Variants in TRAF2 observed in about 807,000 individuals in gnomAD.
TRAF2 encodes the protein TNF receptor-associated factor 2.
In TRAF2, 6 loss-of-function variants were observed where a neutral mutation model predicts 55.6. The observed-to-expected ratio is 0.11, with a 90% CI of 0.06 to 0.21. TRAF2 has a LOEUF of 0.21. Ranked by LOEUF, TRAF2 falls within the 10% of genes least tolerant of loss-of-function variation. The probability of loss-of-function intolerance (pLI) is 1.00; values close to 1 mark genes in which losing one functional copy is unlikely to be tolerated. For missense variants in TRAF2, 561 were observed against 684.5 expected (o/e 0.82, Z 2.01); for synonymous variants, 329 against 276.3 (o/e 1.19, Z -1.89).
intron 5 of TRAF2, among the ~76,000 whole-genome samples, chr9:136,909,037 CAAAAAAAAAAAAA>C (rs10597975): frequency 1.4e-5 from 2 of 147,206 alleles, no homozygotes; most frequent in Admixed American, 1.4e-4. Flanking sequence ...GACTCTGTCT[CAAAAAAAAAAAAA>C]AGAAAAAAAA....
intron 5 of TRAF2, among the ~76,000 whole-genome samples, chr9:136,909,630 C>G (rs1159020390): frequency 6.6e-6 from 1 of 152,240 alleles, no homozygotes; most frequent in Admixed American, 6.5e-5. Flanking sequence ...CAGCGTTTCC[C>G]CATCTTCACC....
intron 9 of TRAF2, among the ~76,000 whole-genome samples, chr9:136,921,775 AG>A (rs1429671652): frequency 6.7e-6 from 1 of 148,258 alleles, no homozygotes; most frequent in African/African-American, 2.5e-5. Context: ...ACTGCTGGAG[AG>A]GGGGTGGGGT....
intron 1 of TRAF2, among the ~76,000 whole-genome samples, chr9:136,889,113 G>A (rs1306921704): frequency 3.3e-5 from 5 of 152,196 alleles, no homozygotes; most frequent in South Asian, 4.1e-4. Flanking sequence ...CGCCCACCTC[G>A]GCCTCCCAGA....
upstream of TRAF2, chr9:136,886,448 C>CGTCA (rs1849448232): frequency 7.0e-6 from 7 of 1,004,906 alleles, no homozygotes; most frequent in Non-Finnish European, 8.3e-6. Context: ...CATGTCCGTC[C>CGTCA]GTCAGGCGCA....
chr9:136,885,136 T>G (rs529797169), upstream of TRAF2, among the ~76,000 whole-genome samples: 1 of 152,176 alleles, frequency 6.6e-6, no homozygotes, highest in African/African-American at 2.4e-5. Flanking sequence ...GAATTCCAAC[T>G]GCAAACCAAG....
At chr9:136,901,598 G>A (rs552439220) in intron 4 of TRAF2, among the ~76,000 whole-genome samples, 3 of 152,180 alleles carry the variant, frequency 2.0e-5, no homozygotes, top group Admixed American at 2.0e-4. Context: ...GAGGAGACAG[G>A]GGTCATTGTT....
In TRAF2 at chr9:136,900,599, C is replaced by T. The variant is rs766318971; in HGVS notation, c.366+79C>T. 2.7e-5 allele frequency: 32 copies of T among 1,169,234 alleles called. No homozygotes were observed. The South Asian group carries it at 3.8e-4, about 14-fold the overall frequency. The allele number at this position is 1,169,234 out of a possible 1,614,324, so 72.4% of individuals were successfully genotyped here. On this transcript the variant is annotated intron_variant, in intron 4 of 10. Transcript: ENST00000247668. ...TCCACGCTCCCCAAGCAGTTATGAC[C>T]TTGTCCTGCACGTTCCTCTCACTGG...
Position 136,916,610 on chromosome 9 carries a change from G to C in TRAF2, c.673G>C (p.Glu225Gln). The C allele has an allele frequency of 6.2e-7, 1 of 1,613,842 alleles. No homozygotes were observed. Among genetic ancestry groups the C allele is most frequent in the Non-Finnish European group, 8.5e-7 (1 of 1,179,960 alleles). ...CAGATTCCACGCCATCGGCTGCCTC[G>C]AGACGGTGAGTCGGGGGGTCTGAGG... ...PCRFHAIGCL[E>Q]TVEGEKQQEH... is the part of the protein sequence containing the mutation. Residue 225 changes from glutamate to glutamine, a missense_variant, in exon 7 of 11, where the codon GAG becomes CAG. Transcript: ENST00000247668.
chr9:136,925,642 C>T (rs369829196), intron 10 of TRAF2, 41 bp from the exon 11 acceptor site: 251 of 1,597,668 alleles, frequency 1.6e-4, no homozygotes, highest in Middle Eastern at 1.2e-3. Flanking sequence ...AGAGAGACGG[C>T]CCACAGACCT....
At chr9:136,896,618 T>C (rs2131285569) in intron 1 of TRAF2, among the ~76,000 whole-genome samples, 1 of 151,788 alleles carries the variant, frequency 6.6e-6, no homozygotes, top group South Asian at 2.1e-4. Flanking sequence ...GCTTATAAGG[T>C]TGGGGGGAAC....
chr9:136,914,562 AAG>A (rs1850195903), intron 6 of TRAF2, among the ~76,000 whole-genome samples: 1 of 152,210 alleles, frequency 6.6e-6, no homozygotes, highest in African/African-American at 2.4e-5. Flanking sequence ...GCTTTATTTT[AAG>A]AGAAAATACA....
chr9:136,885,087 G>C (rs1849420316), upstream of TRAF2, among the ~76,000 whole-genome samples: 1 of 152,218 alleles, frequency 6.6e-6, no homozygotes, highest in African/African-American at 2.4e-5. Context: ...TCCATCTCAA[G>C]GCCTTGCTGT....
chr9:136,909,264 T>G (rs1850039916), intron 5 of TRAF2, among the ~76,000 whole-genome samples: 1 of 35,020 alleles, frequency 2.9e-5, no homozygotes. Flanking sequence ...CAGCTGTGAC[T>G]GCTCACATGG....
chr9:136,900,675 G>A (rs762594827), intron 4 of TRAF2, 155 bp downstream of exon 4: 1 of 717,790 alleles, frequency 1.4e-6, no homozygotes, highest in African/African-American at 1.8e-5. Context: ...CTGCTCCTTA[G>A]AGTATGTCCA....
At chr9:136,917,116 G>A (rs1266527244) in intron 7 of TRAF2, among the ~76,000 whole-genome samples, 3 of 152,154 alleles carry the variant, frequency 2.0e-5, no homozygotes, top group African/African-American at 4.8e-5. Context: ...CCCCCCAGCC[G>A]TCACTGCCCT....
intron 6 of TRAF2, among the ~76,000 whole-genome samples, chr9:136,914,805 G>A (rs17250469): frequency 1.3e-3 from 194 of 152,082 alleles, no homozygotes; most frequent in African/African-American, 3.7e-3. Flanking sequence ...TCGAAGCAGC[G>A]TCTCTGGGCA....
rs140194151 is a variant in TRAF2, at chr9:136,916,582, T to C, written c.645T>C (p.Pro215=). 16 of 1,613,964 alleles carry C rather than the reference T, an allele frequency of 9.9e-6. No individual in the cohort carries two copies. In the African/African-American group the frequency reaches 1.9e-4, roughly 19 times the overall value. The change falls in exon 7 of 11, where the codon CCT becomes CCC. Residue 215 remains proline, a synonymous_variant. Transcript: ENST00000247668. The part of the protein sequence containing the change: ...HVKTCGKCRV[P]CRFHAIGCLE... The stretch of plus-strand genomic sequence containing the variant: ...AGACTTGTGGCAAGTGTCGAGTCCC[T>C]TGCAGATTCCACGCCATCGGCTGCC...
intron 7 of TRAF2, among the ~76,000 whole-genome samples, chr9:136,916,878 G>A (rs182967578): frequency 4.6e-5 from 7 of 152,096 alleles, no homozygotes; most frequent in African/African-American, 1.7e-4. Context: ...CCCACCTGTC[G>A]CCTTGAGCCT....
Position 136,916,596 on chromosome 9 carries a change from C to T in TRAF2, c.659C>T (p.Ala220Val). Residue 220 changes from alanine (A) to valine (V), a missense_variant, in exon 7 of 11, where the codon GCC (alanine) becomes GTC (valine). Physicochemically the swap from Ala to Val is moderately conservative, Grantham distance 64 (BLOSUM62 0). This residue lies in a region of TRAF2 where 426 missense variants were observed against 476.8 expected (regional missense o/e 0.89). Transcript: ENST00000247668. ...TGTCGAGTCCCTTGCAGATTCCACG[C>T]CATCGGCTGCCTCGAGACGGTGAGT... ...GKCRVPCRFHAIGCLETVEGE... is the reference protein window; with the variant it reads ...GKCRVPCRFHVIGCLETVEGE... 4.3e-6 allele frequency: 7 copies of T among 1,614,052 alleles called. No individual in the cohort carries two copies. Among genetic ancestry groups the T allele is most frequent in the African/African-American group, 2.7e-5 (2 of 75,028 alleles).
Sources: gnomAD v4.1 joint callset for allele counts (sites outside exome capture counted in the v4.1 genomes callset) on GRCh38, gnomAD v4.1.1 for gene constraint, gnomAD v4.1.1 regional missense constraint, MANE v1.5 for transcripts, NCBI Gene and HGNC (gene_info 2026-07-23, HGNC 2026-07-21) for gene names.